DNAJC24: variants seen among roughly 807,000 people sequenced by gnomAD.
DNAJC24 encodes the protein dnaJ homolog subfamily C member 24.
DNAJC24 carries 17 observed loss-of-function variants against 18.0 expected under a neutral mutation model. The ratio of observed to expected loss-of-function variants is 0.94; its 90% confidence interval spans 0.65 to 1.42. DNAJC24 has a LOEUF of 1.42. Ranked by LOEUF, DNAJC24 falls within the 40% of genes most tolerant of loss-of-function variation. The pLI is 0.00. For missense variants in DNAJC24, 158 were observed against 175.6 expected (o/e 0.90, Z 0.57); for synonymous variants, 55 against 57.7 (o/e 0.95, Z 0.21).
chr11:31,408,096 T>G (rs1430708530), intron 2 of DNAJC24: 6 of 456,064 alleles, frequency 1.3e-5, no homozygotes, highest in South Asian at 3.1e-5. Context: ...GCAATTTTCA[T>G]TGTGGTGTTA....
chr11:31,388,567 A>G (rs1248645192), intron 2 of DNAJC24, among the ~76,000 whole-genome samples: 3 of 152,204 alleles, frequency 2.0e-5, no homozygotes. Context: ...CCAGACAAAT[A>G]CAAGCTGAGG....
intron 3 of DNAJC24, 116 bp downstream of exon 3, chr11:31,415,065 T>C: frequency 9.0e-7 from 1 of 1,107,408 alleles, no homozygotes; most frequent in South Asian, 1.7e-5. Context: ...TTGCCTTTAT[T>C]CCTCCCCTCC....
intron 2 of DNAJC24, among the ~76,000 whole-genome samples, chr11:31,411,405 C>G (rs1250927135): frequency 6.6e-6 from 1 of 152,168 alleles, no homozygotes; most frequent in Non-Finnish European, 1.5e-5. Context: ...AACAAACTGT[C>G]AGAAACTTGG....
chr11:31,380,694 A>T (rs1233804896), intron 2 of DNAJC24, among the ~76,000 whole-genome samples: 1 of 152,202 alleles, frequency 6.6e-6, no homozygotes, highest in Non-Finnish European at 1.5e-5. Context: ...TATGCAATAA[A>T]GTGTACCTAT....
intron 2 of DNAJC24, among the ~76,000 whole-genome samples, chr11:31,394,718 G>C (rs1028161823): frequency 4.0e-5 from 6 of 151,656 alleles, no homozygotes; most frequent in African/African-American, 1.5e-4. Flanking sequence ...ACAATTTATA[G>C]TATTAAATAC....
chr11:31,393,444 C>T (rs1952517335), intron 2 of DNAJC24, among the ~76,000 whole-genome samples: 1 of 152,158 alleles, frequency 6.6e-6, no homozygotes, highest in Non-Finnish European at 1.5e-5. Flanking sequence ...TATTTAATCA[C>T]TGTTGTAATG....
Position 31,432,505 on chromosome 11 carries a change from C to T in DNAJC24, c.*2104C>T, listed in dbSNP as rs1257180319. On this transcript the variant is annotated 3_prime_UTR_variant, in exon 5 of 5. Transcript: ENST00000465995. ...GTCAAAAGAATAAATGCTTACTAAT[C>T]ATCAGAAAATCTGTGGCCATTAGGG... 8.7e-6 allele frequency: 14 copies of T among 1,609,102 alleles called. No homozygotes were observed. Among genetic ancestry groups the T allele is most frequent in the Non-Finnish European group, 1.2e-5 (14 of 1,176,234 alleles).
intron 2 of DNAJC24, among the ~76,000 whole-genome samples, chr11:31,388,100 G>A (rs1404014988): frequency 6.6e-6 from 1 of 151,942 alleles, no homozygotes; most frequent in Non-Finnish European, 1.5e-5. Flanking sequence ...AAAGAAGGAA[G>A]CATGCCTACA....
chr11:31,424,406 T>C (rs2133504972), intron 3 of DNAJC24, among the ~76,000 whole-genome samples: 1 of 152,318 alleles, frequency 6.6e-6, no homozygotes, highest in East Asian at 1.9e-4. Flanking sequence ...CTCCCAATTC[T>C]AGCAAACAAC....
intron 3 of DNAJC24, among the ~76,000 whole-genome samples, chr11:31,424,528 T>G (rs1952841430): frequency 6.6e-6 from 1 of 152,148 alleles, no homozygotes; most frequent in South Asian, 2.1e-4. Flanking sequence ...ATATAGCCTA[T>G]TGTACTTTAC....
chr11:31,427,139 G>A (rs996359534), intron 4 of DNAJC24: 1 of 152,106 alleles, frequency 6.6e-6, no homozygotes, highest in Non-Finnish European at 1.5e-5. Context: ...TTCAGCATGA[G>A]TACAAATTCC....
Position 31,374,671 on chromosome 11 carries a change from T to G in DNAJC24, c.111+3812T>G, listed in dbSNP as rs147422534. Among the ~76,000 whole-genome samples, 162 of 134,880 alleles carry G rather than the reference T, an allele frequency of 1.2e-3. 10 individuals are homozygous for G. The highest frequency in any genetic ancestry group is 3.9e-3 in the African/African-American group (158 of 40,316). The allele number at this position is 134,880 out of a possible 152,430, so 88.5% of individuals were successfully genotyped here. On this transcript the variant is annotated intron_variant, in intron 2 of 4. Transcript: ENST00000465995. ...GAAGAGAGGTGGAGGGCTAACCATT[T>G]TTTTAGTCTTAACCAGTCTTTCTCT...
chr11:31,417,570 A>G (rs941432089), intron 3 of DNAJC24, among the ~76,000 whole-genome samples: 2 of 152,102 alleles, frequency 1.3e-5, no homozygotes, highest in African/African-American at 2.4e-5. Flanking sequence ...CCCTGGGGAC[A>G]TGGAAATAGC....
Position 31,432,135 on chromosome 11 carries a change from C to A in DNAJC24, c.*1734C>A, listed in dbSNP as rs1188324080. 1.3e-5 allele frequency among the ~76,000 whole-genome samples: 2 copies of A among 152,078 alleles called. No individual in the cohort carries two copies. The highest frequency in any genetic ancestry group is 2.9e-5 in the Non-Finnish European group (2 of 68,016). On this transcript the variant is annotated 3_prime_UTR_variant, in exon 5 of 5. Transcript: ENST00000465995. ...CATTGTCAGGTTGAACTTATAAATACGAATAGTTACTACTCTGACTTGTAA... is the reference window on the plus strand; with the variant it reads ...CATTGTCAGGTTGAACTTATAAATAAGAATAGTTACTACTCTGACTTGTAA...
intron 2 of DNAJC24, among the ~76,000 whole-genome samples, chr11:31,398,832 G>T (rs1177856104): frequency 2.0e-5 from 3 of 152,174 alleles, no homozygotes; most frequent in African/African-American, 7.2e-5. Flanking sequence ...TATAGGATCT[G>T]TATGTGTACA....
At chr11:31,382,638 T>C (rs938519660) in intron 2 of DNAJC24, among the ~76,000 whole-genome samples, 2 of 152,218 alleles carry the variant, frequency 1.3e-5, no homozygotes, top group African/African-American at 4.8e-5. Context: ...TGTTTTGAGA[T>C]GGGAAAAAGC....
chr11:31,381,601 G>T (rs1031658986), intron 2 of DNAJC24, among the ~76,000 whole-genome samples: 3 of 149,146 alleles, frequency 2.0e-5, no homozygotes, highest in African/African-American at 7.4e-5. Context: ...TTGAGATGGA[G>T]TCTTGCTCTG....
chr11:31,431,626 ACATG>A lies in DNAJC24; in HGVS notation c.*1226_*1229del, dbSNP rs2133512431. Reference sequence around the variant, plus strand: ...CAGGAGTTCAAGACCACCCTGGCCAACATGGTGAAACCCCATATCTACTAAAAAT... The same window carrying A: ...CAGGAGTTCAAGACCACCCTGGCCAAGTGAAACCCCATATCTACTAAAAAT... On this transcript the variant is annotated 3_prime_UTR_variant, in exon 5 of 5. Transcript: ENST00000465995. 1 of 151,404 alleles carries A rather than the reference ACATG, an allele frequency of 6.6e-6. No individual in the cohort carries two copies. Among genetic ancestry groups the A allele is most frequent in the South Asian group, 2.1e-4 (1 of 4,772 alleles). 9.4% of individuals were successfully genotyped at this position (151,404 alleles called of 1,614,324 possible).
chr11:31,397,209 A>G (rs1387975203), intron 2 of DNAJC24, among the ~76,000 whole-genome samples: 4 of 152,174 alleles, frequency 2.6e-5, no homozygotes, highest in Non-Finnish European at 4.4e-5. Flanking sequence ...TCATCATGGT[A>G]TCTTCATTGG....
Sources: allele counts gnomAD v4.1 joint callset (sites outside exome capture counted in the v4.1 genomes callset), GRCh38; gene constraint gnomAD v4.1.1; transcripts MANE v1.5; gene names NCBI Gene and HGNC (gene_info 2026-07-23, HGNC 2026-07-21).